Variants in DNER observed in about 807,000 individuals in gnomAD.
DNER encodes delta and Notch-like epidermal growth factor-related receptor.
Under a neutral mutation model 78.2 loss-of-function variants are expected in DNER, and 33 were observed. The ratio of observed to expected loss-of-function variants is 0.42; its 90% confidence interval spans 0.32 to 0.56. DNER has a LOEUF of 0.56. Ranked by LOEUF, DNER falls within the 20% of genes least tolerant of loss-of-function variation. DNER has a pLI of 0.11. For missense variants in DNER, 918 were observed against 975.3 expected, an observed-to-expected ratio of 0.94 and a Z score of 0.78; for synonymous variants, 417 against 384.8, an observed-to-expected ratio of 1.08 and a Z score of -0.98.
At chr2:229,443,731 C>T (rs184864693) in intron 8 of DNER, among the ~76,000 whole-genome samples, 2 of 152,300 alleles carry the variant, frequency 1.3e-5, no homozygotes, top group East Asian at 1.9e-4. Context: ...GAAGATCAGC[C>T]TTGCTGCTCC....
intron 5 of DNER, among the ~76,000 whole-genome samples, chr2:229,521,643 C>G (rs921801995): frequency 6.6e-6 from 1 of 152,194 alleles, no homozygotes; most frequent in African/African-American, 2.4e-5. Context: ...TAACCTCCTA[C>G]TAAACCCAGA....
chr2:229,510,313 G>A (rs958327107), intron 6 of DNER, among the ~76,000 whole-genome samples: 1 of 152,250 alleles, frequency 6.6e-6, no homozygotes, highest in Non-Finnish European at 1.5e-5. Context: ...TCACTGCGAA[G>A]GGATGCCCTG....
chr2:229,491,809 A>G (rs1695405141), intron 6 of DNER, among the ~76,000 whole-genome samples: 1 of 152,082 alleles, frequency 6.6e-6, no homozygotes, highest in African/African-American at 2.4e-5. Context: ...GTAAAATCCC[A>G]TCTCAATTCC....
chr2:229,418,870 A>G (rs954336782), intron 8 of DNER, among the ~76,000 whole-genome samples: 3 of 151,978 alleles, frequency 2.0e-5, no homozygotes, highest in Non-Finnish European at 4.4e-5. Context: ...GCAGTGAGCC[A>G]AGATTGTACC....
chr2:229,402,906 G>C (rs1006387390), intron 10 of DNER, among the ~76,000 whole-genome samples: 4 of 152,174 alleles, frequency 2.6e-5, no homozygotes, highest in African/African-American at 9.7e-5. Flanking sequence ...GGAGAGAACT[G>C]TGTAGAAGGA....
At chr2:229,610,444 G>T (rs1698025418) in intron 1 of DNER, among the ~76,000 whole-genome samples, 1 of 152,206 alleles carries the variant, frequency 6.6e-6, no homozygotes, top group Non-Finnish European at 1.5e-5. Flanking sequence ...ATCCAGCGGG[G>T]AGCCTGCAGC....
chr2:229,661,502 A>C (rs1307475475), intron 1 of DNER, among the ~76,000 whole-genome samples: 1 of 152,222 alleles, frequency 6.6e-6, no homozygotes, highest in Non-Finnish European at 1.5e-5. Flanking sequence ...TGGACTGCTC[A>C]AAGAAAGATG....
intron 4 of DNER, among the ~76,000 whole-genome samples, chr2:229,574,928 C>A (rs183741630): frequency 8.6e-5 from 13 of 151,940 alleles, no homozygotes; most frequent in Admixed American, 6.6e-4. Flanking sequence ...AGCTTTTGAC[C>A]GTAAGCTGGC....
chr2:229,694,911 TA>T lies in DNER; in HGVS notation c.276+19236del, dbSNP rs112406914. On this transcript the variant is annotated intron_variant, in intron 1 of 12. Transcript: ENST00000341772. ...TGAGGACATGAGATTTGGGAAGGGCTAGGGGTAGAATGATATGGTTTGGCTG... is the reference window on the plus strand; with the variant it reads ...TGAGGACATGAGATTTGGGAAGGGCTGGGGTAGAATGATATGGTTTGGCTG... Among the ~76,000 whole-genome samples the T allele has an allele frequency of 5.0e-3, 757 of 152,298 alleles. 7 individuals carry two copies. Among genetic ancestry groups the T allele is most frequent in the African/African-American group, 0.017 (698 of 41,564 alleles).
intron 5 of DNER, among the ~76,000 whole-genome samples, chr2:229,535,648 A>G (rs1319170590): frequency 1.4e-5 from 2 of 148,078 alleles, no homozygotes; most frequent in Non-Finnish European, 3.0e-5. Context: ...AGCCAGACTG[A>G]TTTTTTTTTT....
At position 229,585,947 on chromosome 2, in the gene DNER, A is replaced by G. The variant is rs1359647993; in HGVS notation, c.758T>C (p.Ile253Thr). ...AAGGGGGGTCACACTTCGTCCATCT[A>G]TGAGGGAGCACTGTTGGAATCCTGT... Reference protein sequence around the residue: ...TATGFQQCSLIDGRSVTPLQA... With the variant: ...TATGFQQCSLTDGRSVTPLQA... Residue 253 changes from isoleucine (I) to threonine (T), a missense_variant, in exon 4 of 13, where the codon ATA (isoleucine) becomes ACA (threonine). Transcript: ENST00000341772. 11 of 1,614,040 alleles carry G rather than the reference A, an allele frequency of 6.8e-6. No individual in the cohort carries two copies. The highest frequency in any genetic ancestry group is 2.7e-5 in the African/African-American group (2 of 74,930).
chr2:229,431,150 C>G (rs1366806312), intron 8 of DNER, among the ~76,000 whole-genome samples: 1 of 152,124 alleles, frequency 6.6e-6, no homozygotes, highest in Non-Finnish European at 1.5e-5. Context: ...GGAAAGGAAA[C>G]AGTTCTTAAA....
intron 7 of DNER, among the ~76,000 whole-genome samples, chr2:229,455,107 A>AT (rs1694543627): frequency 6.6e-6 from 1 of 152,074 alleles, no homozygotes; most frequent in Admixed American, 6.5e-5. Flanking sequence ...TAAATTCTCC[A>AT]TTTCCTTCTA....
Position 229,388,429 on chromosome 2 carries a change from G to T in DNER, c.1724-33C>A, listed in dbSNP as rs749215233. On this transcript the variant is annotated intron_variant, in intron 10 of 12. Coordinates refer to ENST00000341772, the MANE Select transcript of DNER (RefSeq NM_139072.4). ...GATAAGAAAAAGCAGTGGTGAAACC[G>T]CTGCACCCATGGTTCCTGTCATTTT... 2.6e-6 allele frequency: 4 copies of T among 1,567,414 alleles called. No individual in the cohort carries two copies. In the African/African-American group the frequency reaches 4.1e-5, roughly 16 times the overall value.
intron 7 of DNER, among the ~76,000 whole-genome samples, chr2:229,475,722 A>T (rs1407711397): frequency 1.3e-5 from 2 of 152,030 alleles, no homozygotes; most frequent in Non-Finnish European, 2.9e-5. Context: ...TGTGCAAATT[A>T]CCCCCATCTG....
intron 1 of DNER, among the ~76,000 whole-genome samples, chr2:229,679,083 C>A (rs1342040485): frequency 6.6e-6 from 1 of 152,176 alleles, no homozygotes; most frequent in African/African-American, 2.4e-5. Flanking sequence ...ACACTCCTCC[C>A]AGAGGCCCTG....
chr2:229,491,554 C>T (rs1695399434), intron 6 of DNER, among the ~76,000 whole-genome samples: 1 of 152,214 alleles, frequency 6.6e-6, no homozygotes, highest in South Asian at 2.1e-4. Flanking sequence ...GCCTGCAATC[C>T]TATTCCCCTG....
intron 8 of DNER, among the ~76,000 whole-genome samples, chr2:229,433,334 A>G (rs1464380864): frequency 1.3e-5 from 2 of 152,238 alleles, no homozygotes; most frequent in Admixed American, 1.3e-4. Flanking sequence ...ATGGGCATAT[A>G]AATAAACCAA....
chr2:229,693,335 T>C (rs560916101), intron 1 of DNER, among the ~76,000 whole-genome samples: 2 of 152,094 alleles, frequency 1.3e-5, no homozygotes, highest in South Asian at 4.1e-4. Context: ...CTCTTTCCTT[T>C]ATAAATTACT....
Sources: gnomAD v4.1 joint callset for allele counts (sites outside exome capture counted in the v4.1 genomes callset) on GRCh38, gnomAD v4.1.1 for gene constraint, MANE v1.5 for transcripts, NCBI Gene and HGNC (gene_info 2026-07-23, HGNC 2026-07-21) for gene names.